PACRG: variants seen among roughly 807,000 people sequenced by gnomAD.
PACRG encodes parkin coregulated, also known as parkin coregulated gene protein.
A neutral mutation model predicts 29.7 loss-of-function variants in PACRG; 29 were observed. The observed-to-expected ratio is 0.98, with a 90% CI of 0.73 to 1.33. The LOEUF (loss-of-function observed/expected upper bound fraction) is 1.33, where lower values mean the gene tolerates loss of function less well. Among genes scored for constraint, PACRG ranks in the 40% most tolerant of loss-of-function variants. PACRG has a pLI of 0.00. For missense variants in PACRG, 279 were observed against 316.2 expected (o/e 0.88, Z 0.89); for synonymous variants, 116 against 118.7 (o/e 0.98, Z 0.15).
At chr6:163,281,940 A>G (rs941563348) in intron 4 of PACRG, among the ~76,000 whole-genome samples, 1 of 152,230 alleles carries the variant, frequency 6.6e-6, no homozygotes, top group African/African-American at 2.4e-5. Context: ...TCAGATGAGT[A>G]TCATGTGCAC....
At chr6:162,909,348 G>A (rs182529006) in intron 2 of PACRG, among the ~76,000 whole-genome samples, 1 of 152,150 alleles carries the variant, frequency 6.6e-6, no homozygotes, top group African/African-American at 2.4e-5. Flanking sequence ...GAGGTCAGGA[G>A]ATCGAGACCA....
At chr6:162,758,131 T>C (rs1782070887) in intron 1 of PACRG, among the ~76,000 whole-genome samples, 2 of 152,174 alleles carry the variant, frequency 1.3e-5, no homozygotes, top group Admixed American at 1.3e-4. Flanking sequence ...TAAAAAGATA[T>C]AGTGGCTTGG....
intron 2 of PACRG, among the ~76,000 whole-genome samples, chr6:163,028,374 C>T (rs1192035511): frequency 1.3e-5 from 2 of 152,070 alleles, no homozygotes; most frequent in African/African-American, 4.8e-5. Flanking sequence ...TCACACCTTC[C>T]AAAGTTAGAT....
chr6:163,219,912 A>G (rs563292891), intron 4 of PACRG, among the ~76,000 whole-genome samples: 9 of 152,268 alleles, frequency 5.9e-5, no homozygotes, highest in Admixed American at 2.6e-4. Context: ...TGCTTCCCCA[A>G]AGAGGCCTCC....
chr6:162,839,431 G>C, intron 2 of PACRG, among the ~76,000 whole-genome samples: 2 of 141,360 alleles, frequency 1.4e-5, no homozygotes, highest in African/African-American at 5.4e-5. Flanking sequence ...CCCACTTTTT[G>C]ATGGGGTTGT....
intron 1 of PACRG, among the ~76,000 whole-genome samples, chr6:162,803,563 T>G (rs1786062146): frequency 6.6e-6 from 1 of 152,186 alleles, no homozygotes; most frequent in Admixed American, 6.5e-5. Context: ...ACACAAAATT[T>G]AAAACTTTTA....
Position 162,728,072 on chromosome 6 carries a change from C to G in PACRG, c.-164C>G. The G allele has an allele frequency of 1.2e-6, 1 of 847,542 alleles. No individual in the cohort carries two copies. Among genetic ancestry groups the G allele is most frequent in the South Asian group, 1.7e-5 (1 of 60,204 alleles). 52.5% of individuals were successfully genotyped at this position (847,542 alleles called of 1,614,324 possible). The stretch of plus-strand genomic sequence containing the variant: ...GCCCCTAGGGTCCAGCTCCCTTCAC[C>G]TAGGAGCTGCCAAACATCTGGATCA... On this transcript the variant is annotated 5_prime_UTR_variant, in exon 1 of 5. Coordinates refer to ENST00000366888, the MANE Select transcript of PACRG (RefSeq NM_001080379.2).
intron 2 of PACRG, among the ~76,000 whole-genome samples, chr6:162,952,158 G>A (rs961519872): frequency 6.6e-6 from 1 of 152,172 alleles, no homozygotes; most frequent in African/African-American, 2.4e-5. Flanking sequence ...TCTTCCCTCC[G>A]TTTATTGTAA....
At chr6:163,271,969 A>G (rs568158515) in intron 4 of PACRG, among the ~76,000 whole-genome samples, 14 of 151,970 alleles carry the variant, frequency 9.2e-5, no homozygotes, top group African/African-American at 3.1e-4. Flanking sequence ...AGTTTTCTTC[A>G]TATAGGTCAT....
intron 4 of PACRG, among the ~76,000 whole-genome samples, chr6:163,182,297 A>G (rs1779711390): frequency 6.6e-6 from 1 of 152,226 alleles, no homozygotes; most frequent in African/African-American, 2.4e-5. Flanking sequence ...TTACTGAAGA[A>G]ATTGCTAACA....
At chr6:162,817,473 T>C (rs1398559702) in intron 2 of PACRG, among the ~76,000 whole-genome samples, 1 of 152,176 alleles carries the variant, frequency 6.6e-6, no homozygotes, top group African/African-American at 2.4e-5. Flanking sequence ...CTGCGTGTCA[T>C]CGTCTCTGCA....
chr6:162,734,266 T>C (rs1489068477), intron 1 of PACRG, among the ~76,000 whole-genome samples: 1 of 140,404 alleles, frequency 7.1e-6, no homozygotes, highest in East Asian at 2.0e-4. Context: ...GAAAAGCTTT[T>C]TCCTGTCTAA....
chr6:163,048,154 C>A (rs1585087206), intron 2 of PACRG, among the ~76,000 whole-genome samples: 1 of 151,996 alleles, frequency 6.6e-6, no homozygotes, highest in African/African-American at 2.4e-5. Context: ...TCTTTTTTTT[C>A]CCTTCCAATC....
At chr6:163,203,333 A>C (rs1361333064) in intron 4 of PACRG, among the ~76,000 whole-genome samples, 1 of 152,112 alleles carries the variant, frequency 6.6e-6, no homozygotes, top group African/African-American at 2.4e-5. Context: ...GAATCACTTG[A>C]GCCCAGGAGG....
At chr6:162,950,740 AC>A (rs1799587065) in intron 2 of PACRG, among the ~76,000 whole-genome samples, 1 of 152,250 alleles carries the variant, frequency 6.6e-6, no homozygotes, top group Non-Finnish European at 1.5e-5. Flanking sequence ...TGAATTCAAT[AC>A]AAACTGATAT....
intron 2 of PACRG, among the ~76,000 whole-genome samples, chr6:162,965,532 C>G (rs1800956174): frequency 1.3e-5 from 2 of 152,100 alleles, no homozygotes; most frequent in African/African-American, 4.8e-5. Flanking sequence ...TGTAAGGGGA[C>G]TAATCCCATT....
rs1156795173 is a variant in PACRG at position 163,035,812 on chromosome 6, C to CAAAAA, written c.292-26320_292-26316dup. Among the ~76,000 whole-genome samples, 615 of 64,194 alleles carry CAAAAA rather than the reference C, an allele frequency of 9.6e-3. 13 individuals are homozygous for CAAAAA. Among genetic ancestry groups the CAAAAA allele is most frequent in the African/African-American group, 0.031 (528 of 16,854 alleles). 42.1% of individuals were successfully genotyped at this position (64,194 alleles called of 152,430 possible). A position where few individuals can be genotyped will look rare whatever the true frequency, so the allele number is the denominator to read the frequency against. ...GGGTGACAAGAGTGAGACTCTGTCTCAAAAAAAAAAAAAAAAAAAAAACAA... is the reference window on the plus strand; with the variant it reads ...GGGTGACAAGAGTGAGACTCTGTCTCAAAAAAAAAAAAAAAAAAAAAAAAAAACAA... On this transcript the variant is annotated intron_variant, in intron 2 of 4. Transcript: ENST00000366888.
At chr6:162,918,270 A>G (rs566030925) in intron 2 of PACRG, among the ~76,000 whole-genome samples, 32 of 152,330 alleles carry the variant, frequency 2.1e-4, no homozygotes, top group Admixed American at 1.5e-3. Flanking sequence ...AAATTACAGC[A>G]TAACGCCTCT....
intron 4 of PACRG, among the ~76,000 whole-genome samples, chr6:163,156,007 C>T (rs1778297148): frequency 6.6e-6 from 1 of 152,234 alleles, no homozygotes; most frequent in Non-Finnish European, 1.5e-5. Flanking sequence ...GAACTCTTCC[C>T]TGAGCCCCGA....
Sources: allele counts gnomAD v4.1 joint callset (sites outside exome capture counted in the v4.1 genomes callset), GRCh38; gene constraint gnomAD v4.1.1; transcripts MANE v1.5; gene names NCBI Gene and HGNC (gene_info 2026-07-23, HGNC 2026-07-21).